GSTCD: variants seen among roughly 807,000 people sequenced by gnomAD.
GSTCD encodes glutathione S-transferase C-terminal domain containing.
GSTCD carries 44 observed loss-of-function variants against 68.3 expected under a neutral mutation model. The ratio of observed to expected loss-of-function variants is 0.64; its 90% CI spans 0.51 to 0.83. The LOEUF (loss-of-function observed/expected upper bound fraction) is 0.83, where lower values mean the gene tolerates loss of function less well. GSTCD is among the 40% of genes least tolerant of loss of function. The pLI, the probability that GSTCD is intolerant of heterozygous loss-of-function variation, is 0.00. For synonymous variants in GSTCD, 273 were observed against 255.2 expected (o/e 1.07, Z -0.67); for missense variants, 739 against 735.9 (o/e 1.00, Z -0.05).
intron 5 of GSTCD, among the ~76,000 whole-genome samples, chr4:105,799,814 C>CAAA (rs5860815): frequency 3.3e-4 from 38 of 116,512 alleles, no homozygotes; most frequent in African/African-American, 1.1e-3. Flanking sequence ...CACAGCGTTG[C>CAAA]AAAAAAAAAA....
intron 5 of GSTCD, among the ~76,000 whole-genome samples, chr4:105,795,688 G>A (rs1282750299): frequency 6.6e-6 from 1 of 152,112 alleles, no homozygotes; most frequent in African/African-American, 2.4e-5. Context: ...CATACATTTA[G>A]GGAGGTTGAT....
chr4:105,745,508 A>G (rs752512459), intron 5 of GSTCD, among the ~76,000 whole-genome samples: 4 of 152,192 alleles, frequency 2.6e-5, no homozygotes, highest in African/African-American at 4.8e-5. Flanking sequence ...TGTGTGATGA[A>G]CAAGGTTAAC....
chr4:105,778,873 TCTTTA>T (rs1008680491), intron 5 of GSTCD, among the ~76,000 whole-genome samples: 4 of 152,140 alleles, frequency 2.6e-5, no homozygotes, highest in African/African-American at 9.7e-5. Context: ...CATTTTGACA[TCTTTA>T]CTTTATTTCT....
rs140564030 is a variant in GSTCD at position 105,828,028 on chromosome 4, G to A, written c.1530+2228G>A. Among the ~76,000 whole-genome samples, 416 of 152,082 alleles carry A rather than the reference G, an allele frequency of 2.7e-3. 1 individual carries two copies. The highest frequency in any genetic ancestry group is 3.9e-3 in the Non-Finnish European group (267 of 67,950). ...TCATTTTGCATTAAAAACAAAAACC[G>A]TATCAAGGCTAAACAGCCTGCCACC... On this transcript the variant is annotated intron_variant, in intron 8 of 11. Coordinates refer to ENST00000515279, the MANE Select transcript of GSTCD (RefSeq NM_001370181.1).
At chr4:105,822,347 A>G (rs1003103638) in intron 5 of GSTCD, among the ~76,000 whole-genome samples, 49 of 152,166 alleles carry the variant, frequency 3.2e-4, no homozygotes, top group Admixed American at 1.8e-3. Flanking sequence ...AGAAAATCCA[A>G]TTTCTCCCTA....
At chr4:105,791,325 G>A (rs921449782) in intron 5 of GSTCD, among the ~76,000 whole-genome samples, 2 of 151,110 alleles carry the variant, frequency 1.3e-5, no homozygotes, top group African/African-American at 2.4e-5. Context: ...CCTGGGAGGC[G>A]GAGCTTGCAG....
At chr4:105,779,987 A>T (rs994864848) in intron 5 of GSTCD, among the ~76,000 whole-genome samples, 1 of 152,196 alleles carries the variant, frequency 6.6e-6, no homozygotes. Flanking sequence ...TTTTCCCCTC[A>T]AGAGAGAAAA....
At chr4:105,793,127 T>C (rs1254451986) in intron 5 of GSTCD, among the ~76,000 whole-genome samples, 2 of 152,046 alleles carry the variant, frequency 1.3e-5, no homozygotes, top group Admixed American at 6.5e-5. Flanking sequence ...TTTGACCATA[T>C]GCTAGCCTTT....
At chr4:105,764,166 TTA>T (rs1463950311) in intron 5 of GSTCD, among the ~76,000 whole-genome samples, 13 of 152,270 alleles carry the variant, frequency 8.5e-5, no homozygotes, top group Admixed American at 2.6e-4. Flanking sequence ...AATAATGTAT[TTA>T]GTTATATATA....
chr4:105,727,940 A>G (rs1733096859), intron 4 of GSTCD, among the ~76,000 whole-genome samples: 1 of 152,184 alleles, frequency 6.6e-6, no homozygotes, highest in Non-Finnish European at 1.5e-5. Flanking sequence ...GTTAGGAAGT[A>G]TTTGAGTTCG....
At chr4:105,842,199 C>A in intron 11 of GSTCD, 65 bp downstream of exon 11, 2 of 1,316,212 alleles carry the variant, frequency 1.5e-6, no homozygotes, top group Non-Finnish European at 2.2e-6. Context: ...ATGATTGGAC[C>A]AAGTCTATAT....
Position 105,766,779 on chromosome 4 carries a change from G to A in GSTCD, c.1240+37280G>A, listed in dbSNP as rs148109557. Reference sequence around the variant, plus strand: ...TTTTGCTGTTATAAATTACTCTGACGTTGACTATATTCATGGAAAGATAGT... The same window carrying A: ...TTTTGCTGTTATAAATTACTCTGACATTGACTATATTCATGGAAAGATAGT... On this transcript the variant is annotated intron_variant, in intron 5 of 11. Transcript: ENST00000515279. 1.1e-4 allele frequency among the ~76,000 whole-genome samples: 17 copies of A among 150,880 alleles called. No homozygotes were observed. In the East Asian group the frequency reaches 3.3e-3, roughly 30 times the overall value.
chr4:105,787,452 G>A (rs1036348684), intron 5 of GSTCD, among the ~76,000 whole-genome samples: 2 of 151,948 alleles, frequency 1.3e-5, no homozygotes, highest in Non-Finnish European at 2.9e-5. Flanking sequence ...ATATCAATAG[G>A]CCAAGAATTG....
intron 5 of GSTCD, among the ~76,000 whole-genome samples, chr4:105,775,907 A>G (rs181341557): frequency 6.6e-6 from 1 of 152,198 alleles, no homozygotes; most frequent in Non-Finnish European, 1.5e-5. Context: ...TTCAGAGCCA[A>G]CAGGCAGGAA....
chr4:105,823,474 T>C (rs1723416925), intron 7 of GSTCD, 199 bp downstream of exon 7: 3 of 432,652 alleles, frequency 6.9e-6, no homozygotes, highest in Non-Finnish European at 1.2e-5. Flanking sequence ...TCATAAAACA[T>C]TTATCAATTT....
chr4:105,844,959 A>G (rs562940703), intron 11 of GSTCD, among the ~76,000 whole-genome samples: 1 of 152,332 alleles, frequency 6.6e-6, no homozygotes, highest in South Asian at 2.1e-4. Flanking sequence ...ATTTTCTTAA[A>G]TATTTTTCAT....
At chr4:105,800,794 G>C (rs1736078212) in intron 5 of GSTCD, among the ~76,000 whole-genome samples, 1 of 152,040 alleles carries the variant, frequency 6.6e-6, no homozygotes, top group South Asian at 2.1e-4. Flanking sequence ...ACTGCTCCTG[G>C]GGAAATATAG....
chr4:105,749,596 G>C (rs1397400219), intron 5 of GSTCD, among the ~76,000 whole-genome samples: 1 of 142,636 alleles, frequency 7.0e-6, no homozygotes, highest in Non-Finnish European at 1.5e-5. Context: ...TCTATCAATT[G>C]AACATCCATA....
At chr4:105,715,214 A>G (rs1732647670) in intron 1 of GSTCD, among the ~76,000 whole-genome samples, 1 of 152,114 alleles carries the variant, frequency 6.6e-6, no homozygotes. Flanking sequence ...GTTGTTACAG[A>G]TCTCACTTTG....
Sources: gnomAD v4.1 joint callset for allele counts (sites outside exome capture counted in the v4.1 genomes callset) on GRCh38, gnomAD v4.1.1 for gene constraint, MANE v1.5 for transcripts, NCBI Gene and HGNC (gene_info 2026-07-23, HGNC 2026-07-21) for gene names.